DCC: variants seen among roughly 807,000 people sequenced by gnomAD.
DCC encodes netrin receptor DCC.
In DCC, 58 loss-of-function variants were observed where a neutral mutation model predicts 172.5. The observed-to-expected ratio is 0.34, with a 90% CI of 0.27 to 0.42. DCC has a LOEUF of 0.42. Ranked by LOEUF, DCC falls within the 10% of genes least tolerant of loss-of-function variation. The pLI, the probability that DCC is intolerant of heterozygous loss-of-function variation, is 1.00. For synonymous variants in DCC, 709 were observed against 644.5 expected, an observed-to-expected ratio of 1.10 and a Z score of -1.52; for missense variants, 1,740 against 1,791.0, an observed-to-expected ratio of 0.97 and a Z score of 0.51.
intron 1 of DCC, among the ~76,000 whole-genome samples, chr18:52,743,090 G>C (rs557324578): frequency 6.6e-6 from 1 of 152,226 alleles, no homozygotes; most frequent in Admixed American, 6.5e-5. Context: ...ATTTCTAAAA[G>C]TTGATTGGTC....
intron 1 of DCC, among the ~76,000 whole-genome samples, chr18:52,715,425 G>A (rs28578225): frequency 0.022 from 3,379 of 151,686 alleles, 124 homozygotes; most frequent in African/African-American, 0.077. Flanking sequence ...TCAGCCTCTT[G>A]AGTAGCTGAA....
intron 9 of DCC, among the ~76,000 whole-genome samples, chr18:53,196,842 G>T (rs2055450306): frequency 6.6e-6 from 1 of 152,040 alleles, no homozygotes; most frequent in Non-Finnish European, 1.5e-5. Context: ...ACCAAATGTT[G>T]CCAGACTCCT....
chr18:52,450,142 C>T (rs896916693), intron 1 of DCC, among the ~76,000 whole-genome samples: 6 of 152,100 alleles, frequency 3.9e-5, no homozygotes, highest in Non-Finnish European at 7.4e-5. Flanking sequence ...TGCCTTTGGT[C>T]CATGTAATTT....
chr18:53,058,123 A>G (rs1365435211), intron 5 of DCC, among the ~76,000 whole-genome samples: 1 of 152,182 alleles, frequency 6.6e-6, no homozygotes, highest in African/African-American at 2.4e-5. Flanking sequence ...ATCCATGGCC[A>G]TTGATGAATC....
chr18:52,863,895 T>C (rs1291162148), intron 2 of DCC, among the ~76,000 whole-genome samples: 1 of 152,120 alleles, frequency 6.6e-6, no homozygotes, highest in Non-Finnish European at 1.5e-5. Context: ...ATTTCATTGA[T>C]AACTCAGCAG....
chr18:52,979,789 A>G (rs2041177044), intron 5 of DCC, among the ~76,000 whole-genome samples: 1 of 152,194 alleles, frequency 6.6e-6, no homozygotes, highest in African/African-American at 2.4e-5. Context: ...TGTGGAAAGG[A>G]TGTGAACTGA....
intron 19 of DCC, 86 bp from the exon 20 acceptor site, chr18:53,410,362 TGTAA>T: frequency 6.2e-6 from 5 of 805,188 alleles, no homozygotes; most frequent in Non-Finnish European, 1.1e-5. Flanking sequence ...TAATAATTAT[TGTAA>T]ATTACATTTG....
chr18:52,664,995 A>G (rs957048201), intron 1 of DCC, among the ~76,000 whole-genome samples: 4 of 152,236 alleles, frequency 2.6e-5, no homozygotes. Context: ...CAAACAAGCA[A>G]GGCAGGTCAA....
chr18:53,267,268 C>T (rs1364819017), intron 12 of DCC, among the ~76,000 whole-genome samples: 1 of 152,018 alleles, frequency 6.6e-6, no homozygotes. Context: ...CTTACCGCAA[C>T]CTCTACCTCC....
chr18:53,272,383 A>C (rs1190096616), intron 12 of DCC, among the ~76,000 whole-genome samples: 1 of 152,178 alleles, frequency 6.6e-6, no homozygotes, highest in African/African-American at 2.4e-5. Context: ...ATGAGTAATC[A>C]TTCTCATTAG....
chr18:52,929,160 C>T (rs911385905), intron 5 of DCC, among the ~76,000 whole-genome samples: 2 of 152,056 alleles, frequency 1.3e-5, no homozygotes, highest in East Asian at 1.9e-4. Flanking sequence ...TATTCAACAT[C>T]CACACCCCAA....
At chr18:52,975,976 C>G (rs1459355973) in intron 5 of DCC, among the ~76,000 whole-genome samples, 1 of 152,204 alleles carries the variant, frequency 6.6e-6, no homozygotes, top group Non-Finnish European at 1.5e-5. Flanking sequence ...CTCCCACCAA[C>G]AGTGTGTAAA....
At chr18:53,239,654 T>G (rs2056258939) in intron 12 of DCC, among the ~76,000 whole-genome samples, 1 of 152,166 alleles carries the variant, frequency 6.6e-6, no homozygotes, top group African/African-American at 2.4e-5. Flanking sequence ...AAAACCTCAC[T>G]GATTTTCTAC....
intron 2 of DCC, among the ~76,000 whole-genome samples, chr18:52,763,183 G>T (rs1433471937): frequency 1.3e-5 from 2 of 152,138 alleles, no homozygotes; most frequent in African/African-American, 2.4e-5. Context: ...GAAACAGGCT[G>T]CTCATCAGGT....
chr18:53,268,578 A>T (rs542140416), intron 12 of DCC, among the ~76,000 whole-genome samples: 2 of 152,292 alleles, frequency 1.3e-5, no homozygotes, highest in African/African-American at 4.8e-5. Flanking sequence ...TTGCAATGCT[A>T]TTCTCATTCC....
chr18:52,809,263 G>A (rs1371577570), intron 2 of DCC: 1 of 152,514 alleles, frequency 6.6e-6, no homozygotes, highest in Non-Finnish European at 1.5e-5. Context: ...ATTAAACAAG[G>A]AAAACTAGAG....
chr18:53,396,493 C>T (rs1908954267), intron 17 of DCC, among the ~76,000 whole-genome samples: 1 of 152,206 alleles, frequency 6.6e-6, no homozygotes, highest in African/African-American at 2.4e-5. Context: ...ACCAACACCA[C>T]TTTAAACACC....
intron 12 of DCC, among the ~76,000 whole-genome samples, chr18:53,260,469 T>G (rs1350091349): frequency 6.6e-6 from 1 of 152,170 alleles, no homozygotes; most frequent in East Asian, 1.9e-4. Flanking sequence ...GGAGGTCCAC[T>G]CCAGACACTT....
chr18:52,640,047 G>C (rs2034860141), intron 1 of DCC, among the ~76,000 whole-genome samples: 1 of 152,124 alleles, frequency 6.6e-6, no homozygotes. Context: ...CAGGGATGCA[G>C]GGATGGTTTA....
Sources: gnomAD v4.1 joint callset for allele counts (sites outside exome capture counted in the v4.1 genomes callset) on GRCh38, gnomAD v4.1.1 for gene constraint, MANE v1.5 for transcripts, NCBI Gene and HGNC (gene_info 2026-07-23, HGNC 2026-07-21) for gene names.